The following MAGI2 variants were observed in gnomAD, a reference collection of about 807,000 sequenced individuals.
MAGI2 encodes membrane-associated guanylate kinase, WW and PDZ domain-containing protein 2.
A neutral mutation model predicts 133.3 loss-of-function variants in MAGI2; 35 were observed. That is an observed-to-expected ratio of 0.26 (90% CI 0.20 to 0.35). The LOEUF is 0.35. Among genes scored for constraint, MAGI2 ranks in the 10% least tolerant of loss-of-function variants. The probability of loss-of-function intolerance (pLI) is 1.00; values close to 1 mark genes in which losing one functional copy is unlikely to be tolerated. For synonymous variants in MAGI2, 729 were observed against 710.6 expected, an observed-to-expected ratio of 1.03 and a Z score of -0.41; for missense variants, 1,636 against 1,863.4, an observed-to-expected ratio of 0.88 and a Z score of 2.25.
At chr7:78,821,658 T>G (rs1387483544) in intron 2 of MAGI2, among the ~76,000 whole-genome samples, 1 of 152,058 alleles carries the variant, frequency 6.6e-6, no homozygotes, top group Non-Finnish European at 1.5e-5. Context: ...CTATTTAAAG[T>G]GTAGTTTAAT....
chr7:78,081,673 TA>T (rs1563096318), intron 20 of MAGI2, among the ~76,000 whole-genome samples: 1 of 152,198 alleles, frequency 6.6e-6, no homozygotes, highest in East Asian at 1.9e-4. Flanking sequence ...AGTAGTTTAT[TA>T]TACTGTTCAG....
At chr7:79,276,248 GAAGTT>G (rs893617614) in intron 1 of MAGI2, among the ~76,000 whole-genome samples, 3 of 152,170 alleles carry the variant, frequency 2.0e-5, no homozygotes, top group African/African-American at 7.2e-5. Context: ...GTGCTTGGGA[GAAGTT>G]AATTCTAATC....
chr7:78,381,154 C>CT (rs1794885697), intron 6 of MAGI2, among the ~76,000 whole-genome samples: 1 of 152,128 alleles, frequency 6.6e-6, no homozygotes, highest in South Asian at 2.1e-4. Context: ...TGAGACCAGC[C>CT]TGGCCAACAT....
chr7:79,016,006 G>C (rs540955246), intron 1 of MAGI2, among the ~76,000 whole-genome samples: 11 of 118,082 alleles, frequency 9.3e-5, no homozygotes, highest in East Asian at 2.9e-4. Flanking sequence ...AGCGGGGGGG[G>C]GGGGTGGGGG....
chr7:78,507,125 C>T (rs947096192), intron 4 of MAGI2, among the ~76,000 whole-genome samples: 25 of 152,200 alleles, frequency 1.6e-4, no homozygotes, highest in Non-Finnish European at 2.9e-4. Flanking sequence ...GATTATAGAC[C>T]TTTTTATCAG....
At chr7:79,157,151 C>A (rs2129547397) in intron 1 of MAGI2, among the ~76,000 whole-genome samples, 1 of 152,216 alleles carries the variant, frequency 6.6e-6, no homozygotes, top group South Asian at 2.1e-4. Flanking sequence ...TGCGCATTTG[C>A]ATGAGAAACT....
intron 1 of MAGI2, among the ~76,000 whole-genome samples, chr7:79,057,369 A>C (rs896194080): frequency 6.6e-6 from 1 of 152,266 alleles, no homozygotes; most frequent in Non-Finnish European, 1.5e-5. Context: ...AATGCTTCCC[A>C]ATTTGTATTT....
intron 20 of MAGI2, among the ~76,000 whole-genome samples, chr7:78,086,860 A>T (rs984768128): frequency 5.3e-5 from 8 of 151,796 alleles, no homozygotes; most frequent in African/African-American, 1.7e-4. Context: ...GTCTTGAGTT[A>T]CTGAGCTCAA....
At chr7:78,469,893 GTTT>G (rs1179500638) in intron 6 of MAGI2, among the ~76,000 whole-genome samples, 2 of 152,104 alleles carry the variant, frequency 1.3e-5, no homozygotes. Flanking sequence ...TTGCGTGCAT[GTTT>G]TTCTTCCATG....
At chr7:79,351,428 T>C (rs1841683426) in intron 1 of MAGI2, among the ~76,000 whole-genome samples, 1 of 152,148 alleles carries the variant, frequency 6.6e-6, no homozygotes, top group African/African-American at 2.4e-5. Context: ...TTAACGAGCA[T>C]GTTGGGACTT....
intron 1 of MAGI2, among the ~76,000 whole-genome samples, chr7:79,199,006 T>G (rs939870925): frequency 2.0e-5 from 3 of 151,892 alleles, no homozygotes; most frequent in African/African-American, 7.3e-5. Context: ...AAGGAACTGA[T>G]AGGGGAGAAA....
At chr7:78,373,514 A>C (rs1794136003) in intron 6 of MAGI2, among the ~76,000 whole-genome samples, 1 of 151,734 alleles carries the variant, frequency 6.6e-6, no homozygotes, top group Non-Finnish European at 1.5e-5. Context: ...AATAGCATCA[A>C]AACGAAAACA....
intron 14 of MAGI2, 108 bp from the exon 15 acceptor site, chr7:78,168,216 C>T (rs986754069): frequency 4.2e-6 from 4 of 957,646 alleles, no homozygotes; most frequent in African/African-American, 1.6e-5. Context: ...AGTACAGTGG[C>T]CCAGTCTCAG....
At chr7:79,300,380 C>T (rs1837301596) in intron 1 of MAGI2, among the ~76,000 whole-genome samples, 1 of 152,100 alleles carries the variant, frequency 6.6e-6, no homozygotes, top group African/African-American at 2.4e-5. Context: ...CATGTGATGC[C>T]TTAGCAAAGA....
At chr7:78,523,904 G>A (rs527747389) in intron 3 of MAGI2, among the ~76,000 whole-genome samples, 13 of 152,072 alleles carry the variant, frequency 8.5e-5, no homozygotes, top group Non-Finnish European at 7.4e-5. Context: ...AGAAACAAAG[G>A]AGCCCACTCC....
At chr7:78,246,359 A>C (rs1791778289) in intron 10 of MAGI2, among the ~76,000 whole-genome samples, 1 of 152,138 alleles carries the variant, frequency 6.6e-6, no homozygotes, top group South Asian at 2.1e-4. Context: ...ACTGAGCTGA[A>C]GCAGCACATT....
intron 1 of MAGI2, among the ~76,000 whole-genome samples, chr7:79,191,777 C>T (rs1382454831): frequency 6.6e-6 from 1 of 151,586 alleles, no homozygotes; most frequent in Non-Finnish European, 1.5e-5. Context: ...ATAATCCATA[C>T]TCCCCTTTTC....
intron 2 of MAGI2, among the ~76,000 whole-genome samples, chr7:78,636,909 C>T (rs1484376913): frequency 1.3e-5 from 2 of 152,180 alleles, no homozygotes; most frequent in African/African-American, 4.8e-5. Flanking sequence ...TTCTCACTCC[C>T]CAGAGTCTCT....
intron 1 of MAGI2, chr7:79,176,875 A>G (rs1489572858): frequency 1.8e-5 from 1 of 55,826 alleles, no homozygotes; most frequent in Non-Finnish European, 5.9e-5. Flanking sequence ...GATTGCAGCT[A>G]AATAGTTGAT....
Sources: gnomAD v4.1 joint callset for allele counts (sites outside exome capture counted in the v4.1 genomes callset) on GRCh38, gnomAD v4.1.1 for gene constraint, MANE v1.5 for transcripts, NCBI Gene and HGNC (gene_info 2026-07-23, HGNC 2026-07-21) for gene names.